The following PLXNA2 variants were observed in gnomAD, a reference collection of about 807,000 sequenced individuals.
PLXNA2 encodes the protein plexin A2.
Under a neutral mutation model 193.5 loss-of-function variants are expected in PLXNA2, and 91 were observed. The ratio of observed to expected loss-of-function variants is 0.47; its 90% confidence interval spans 0.40 to 0.56. The LOEUF (loss-of-function observed/expected upper bound fraction) is 0.56. PLXNA2 is among the 20% of genes least tolerant of loss of function. The pLI is 0.00. For synonymous variants in PLXNA2, 997 were observed against 1,027.3 expected (o/e 0.97, Z 0.56); for missense variants, 1,995 against 2,503.2 (o/e 0.80, Z 4.33).
intron 3 of PLXNA2, among the ~76,000 whole-genome samples, chr1:208,171,669 T>A (rs1558227774): frequency 1.3e-5 from 2 of 151,872 alleles, no homozygotes; most frequent in South Asian, 4.2e-4. Context: ...GGTAACAGAG[T>A]GAGACCCTGT....
At chr1:208,084,344 C>T (rs766224499) in intron 10 of PLXNA2, 36 bp downstream of exon 10, 3 of 1,607,958 alleles carry the variant, frequency 1.9e-6, no homozygotes, top group Non-Finnish European at 2.6e-6. Flanking sequence ...GAGAGGAAGC[C>T]CTGCTCCAGG....
At chr1:208,210,006 C>CTTTTTTTTTTTTTTTTTTTTTTTTTTT (rs1572035189) in intron 3 of PLXNA2, 1 of 32,270 alleles carries the variant, frequency 3.1e-5, no homozygotes, top group East Asian at 1.1e-3. Flanking sequence ...TTTTTTTTTG[C>CTTTTTTTTTTTTTTTTTTTTTTTTTTT]TTTTGCAGAT....
intron 4 of PLXNA2, among the ~76,000 whole-genome samples, chr1:208,133,738 G>C (rs1668226200): frequency 6.6e-6 from 1 of 152,238 alleles, no homozygotes; most frequent in South Asian, 2.1e-4. Flanking sequence ...TCTTGTCTGT[G>C]CTGAGTGAAA....
Position 208,217,347 on chromosome 1 carries a change from C to T in PLXNA2, c.576G>A (p.Gln192=), listed in dbSNP as rs1671167434. The stretch of plus-strand genomic sequence containing the variant: ...GGCTGGACAGGGTCGGGAAGTAATC[C>T]TGCTTCCCATCCACAGCCGTGCCGA... ...LFIGTAVDGK[Q]DYFPTLSSRK... Residue 192 remains glutamine, a synonymous_variant, in exon 2 of 32, where the codon CAG becomes CAA. Transcript: ENST00000367033. The surrounding 1 kb of genome is among the most constrained non-coding windows in gnomAD (Gnocchi z 4.7). 6.2e-7 allele frequency: 1 copy of T among 1,614,180 alleles called. No individual in the cohort carries two copies. Among genetic ancestry groups the T allele is most frequent in the South Asian group, 1.1e-5 (1 of 91,078 alleles).
chr1:208,104,686 G>A (rs1667205669), intron 4 of PLXNA2, among the ~76,000 whole-genome samples: 1 of 152,040 alleles, frequency 6.6e-6, no homozygotes, highest in South Asian at 2.1e-4. Flanking sequence ...AGGGGAGAGA[G>A]ATGAGCCTGC....
rs906249060 is a variant in PLXNA2, at chr1:208,028,696, G to A, written c.5438+134C>T. ...CACCCTTCCTCCCGCAGCAGGGGGT[G>A]TGGCAGGGAGGGGAGTGGGAGGTCC... On this transcript the variant is annotated intron_variant, in intron 30 of 31. Coordinates refer to ENST00000367033, the MANE Select transcript of PLXNA2 (RefSeq NM_025179.4). The surrounding 1 kb of genome is among the most constrained non-coding windows in gnomAD (Gnocchi z 4.2). 1.3e-6 allele frequency: 1 copy of A among 741,756 alleles called. No individual in the cohort carries two copies. Among genetic ancestry groups the A allele is most frequent in the Admixed American group, 2.9e-5 (1 of 35,084 alleles). 45.9% of individuals were successfully genotyped at this position (741,756 alleles called of 1,614,324 possible). A position where few individuals can be genotyped will look rare whatever the true frequency, so the allele number is the denominator to read the frequency against.
intron 13 of PLXNA2, among the ~76,000 whole-genome samples, chr1:208,059,165 C>T (rs924112604): frequency 3.3e-5 from 5 of 152,174 alleles, no homozygotes; most frequent in South Asian, 2.1e-4. Flanking sequence ...TGGCAGGGTG[C>T]GGGGCTCTGT....
chr1:208,063,244 T>G (rs1188065575), intron 12 of PLXNA2, among the ~76,000 whole-genome samples: 1 of 152,250 alleles, frequency 6.6e-6, no homozygotes. Flanking sequence ...GCAGGTAGCA[T>G]GTGGGGACCG....
rs554450756 is a variant in PLXNA2 at position 208,092,801 on chromosome 1, C to T, written c.2082G>A (p.Arg694=). The T allele has an allele frequency of 6.8e-6, 11 of 1,612,806 alleles. No individual in the cohort carries two copies. The highest frequency in any genetic ancestry group is 5.0e-5 in the Admixed American group (3 of 60,008). ...CCCTTCTTACCTCTGAAATATTGAT[C>T]CGGCCCTCCTGGAAGGAGCAGGTGG... The part of the protein sequence containing the change: ...DPTTCSFQEG[R]INISEDCPQL... The change falls in exon 9 of 32, where the codon CGG becomes CGA. Residue 694 remains arginine, a synonymous_variant. Coordinates refer to ENST00000367033, the MANE Select transcript of PLXNA2 (RefSeq NM_025179.4).
At chr1:208,047,428 T>C (rs1665115228) in intron 17 of PLXNA2, among the ~76,000 whole-genome samples, 1 of 152,268 alleles carries the variant, frequency 6.6e-6, no homozygotes, top group South Asian at 2.1e-4. Context: ...AGTCCCTCCT[T>C]AGCATGAGCT....
rs1040634187 is a variant in PLXNA2 at position 208,119,440 on chromosome 1, G to A, written c.1507-16193C>T. The stretch of plus-strand genomic sequence containing the variant: ...AGGGAGGGGTGAAGCTCTAGTCCCT[G>A]CAAAGCCCTTGAACACAAGAAATCA... On this transcript the variant is annotated intron_variant, in intron 4 of 31. Coordinates refer to ENST00000367033, the MANE Select transcript of PLXNA2 (RefSeq NM_025179.4). Among the ~76,000 whole-genome samples, 9 of 152,144 alleles carry A rather than the reference G, an allele frequency of 5.9e-5. 1 individual carries two copies. Among genetic ancestry groups the A allele is most frequent in the Non-Finnish European group, 1.0e-4 (7 of 68,022 alleles).
chr1:208,198,270 G>T (rs1038500447), intron 3 of PLXNA2, among the ~76,000 whole-genome samples: 2 of 152,178 alleles, frequency 1.3e-5, no homozygotes, highest in African/African-American at 4.8e-5. Flanking sequence ...CCATTTCTCA[G>T]TGTGCTCCTC....
intron 3 of PLXNA2, among the ~76,000 whole-genome samples, chr1:208,171,989 T>C (rs1440183073): frequency 6.7e-6 from 1 of 148,382 alleles, no homozygotes; most frequent in Non-Finnish European, 1.5e-5. Context: ...TCTTAGCAGT[T>C]ATTACATTGG....
intron 3 of PLXNA2, among the ~76,000 whole-genome samples, chr1:208,200,472 AT>A (rs1170290227): frequency 7.2e-5 from 11 of 151,776 alleles, no homozygotes. Flanking sequence ...TCTGGTTCCA[AT>A]TTCCACATCT....
intron 3 of PLXNA2, among the ~76,000 whole-genome samples, chr1:208,195,776 A>G (rs192568756): frequency 2.6e-4 from 39 of 152,078 alleles, no homozygotes; most frequent in African/African-American, 7.2e-4. Context: ...GGGAGGCATC[A>G]AGGAGACAGA....
chr1:208,042,686 T>C (rs897161776), intron 21 of PLXNA2, among the ~76,000 whole-genome samples: 16 of 152,218 alleles, frequency 1.1e-4, no homozygotes, highest in Non-Finnish European at 1.5e-5. Context: ...TAGTCTCCCC[T>C]TAATCTCCTC....
intron 20 of PLXNA2, among the ~76,000 whole-genome samples, chr1:208,043,552 G>A (rs1558161439): frequency 6.6e-6 from 1 of 152,224 alleles, no homozygotes; most frequent in Non-Finnish European, 1.5e-5. Context: ...AGGGGGTCCA[G>A]CAAAGACCAG....
intron 29 of PLXNA2, chr1:208,029,974 C>T: frequency 1.0e-6 from 1 of 985,562 alleles, no homozygotes; most frequent in Non-Finnish European, 1.2e-6. Context: ...GTTCCCAGCT[C>T]CCCAGCTTCT....
At chr1:208,034,625 G>GTGAATGTAGGTGTCTT (rs1208926437) in intron 26 of PLXNA2, 33 bp from the exon 27 acceptor site, 1 of 1,324,118 alleles carries the variant, frequency 7.6e-7, no homozygotes, top group African/African-American at 1.4e-5. Context: ...AGTACAAAAG[G>GTGAATGTAGGTGTCTT]TGAATGTAGG....
Sources: gnomAD v4.1 joint callset for allele counts (sites outside exome capture counted in the v4.1 genomes callset) on GRCh38, gnomAD v4.1.1 for gene constraint, Gnocchi (gnomAD v3.1) non-coding constraint, MANE v1.5 for transcripts, NCBI Gene and HGNC (gene_info 2026-07-23, HGNC 2026-07-21) for gene names.